The following PXDNL variants were observed in gnomAD, a reference collection of about 807,000 sequenced individuals.
The protein encoded by PXDNL is probable oxidoreductase PXDNL.
A neutral mutation model predicts 150.8 loss-of-function variants in PXDNL; 145 were observed. The ratio of observed to expected loss-of-function variants is 0.96; its 90% CI spans 0.84 to 1.10. The LOEUF (loss-of-function observed/expected upper bound fraction) is 1.10. PXDNL is among the 50% of genes least tolerant of loss of function. The pLI is 0.00. For synonymous variants in PXDNL, 757 were observed against 725.7 expected, an observed-to-expected ratio of 1.04 and a Z score of -0.69; for missense variants, 2,087 against 1,873.9, an observed-to-expected ratio of 1.11 and a Z score of -2.10.
At chr8:51,569,599 T>C (rs60163329) in intron 3 of PXDNL, among the ~76,000 whole-genome samples, 1 of 151,956 alleles carries the variant, frequency 6.6e-6, no homozygotes, top group Non-Finnish European at 1.5e-5. Flanking sequence ...ATGTGAAAAT[T>C]CTATCTAAAA....
At chr8:51,743,911 G>GGAAGGAAGGAAGGAAGGAAGGAAGGAAA (rs2036934402) in intron 1 of PXDNL, among the ~76,000 whole-genome samples, 1 of 101,642 alleles carries the variant, frequency 9.8e-6, no homozygotes. Context: ...GAGAGAGAAA[G>GGAAGGAAGGAAGGAAGGAAGGAAGGAAA]GAAGGAAGGA....
intron 1 of PXDNL, among the ~76,000 whole-genome samples, chr8:51,694,675 T>G (rs1374333020): frequency 6.6e-6 from 1 of 152,250 alleles, no homozygotes; most frequent in African/African-American, 2.4e-5. Context: ...ATTAGCAAGC[T>G]GTGTGATCTC....
chr8:51,458,555 C>T (rs1239419854), intron 8 of PXDNL, among the ~76,000 whole-genome samples: 1 of 152,130 alleles, frequency 6.6e-6, no homozygotes, highest in African/African-American at 2.4e-5. Context: ...CTTCATCACT[C>T]AATACATATT....
intron 17 of PXDNL, among the ~76,000 whole-genome samples, chr8:51,377,006 C>T (rs533648062): frequency 6.6e-6 from 1 of 151,932 alleles, no homozygotes; most frequent in Non-Finnish European, 1.5e-5. Flanking sequence ...CGTGAGCCAC[C>T]GCGCCCAGCC....
Position 51,374,747 on chromosome 8 carries a change from G to A in PXDNL, c.3558-16C>T. ...GCCGTACAACCTGGAACAGAGACAG[G>A]CAGACAGCGCACACCTGAGACTGAA... On this transcript the variant is annotated splice_polypyrimidine_tract_variant and intron_variant, in intron 17 of 22. Coordinates refer to ENST00000356297, the MANE Select transcript of PXDNL (RefSeq NM_144651.5). The A allele has an allele frequency of 6.2e-7, 1 of 1,612,816 alleles. No individual in the cohort carries two copies. The highest frequency in any genetic ancestry group is 1.1e-5 in the South Asian group (1 of 90,908).
intron 1 of PXDNL, among the ~76,000 whole-genome samples, chr8:51,731,523 C>T (rs1182789350): frequency 6.6e-6 from 1 of 152,248 alleles, no homozygotes; most frequent in African/African-American, 2.4e-5. Flanking sequence ...GTGGAACTAC[C>T]ATTTTGGGGT....
At chr8:51,578,017 GGAAGGAAGGA>G (rs1813120061) in intron 3 of PXDNL, among the ~76,000 whole-genome samples, 27 of 103,812 alleles carry the variant, frequency 2.6e-4, no homozygotes, top group African/African-American at 1.4e-3. Context: ...AAGGAAGGAA[GGAAGGAAGGA>G]AGGAAGGAAG....
chr8:51,332,102 C>T (rs1353001611), intron 21 of PXDNL, among the ~76,000 whole-genome samples: 1 of 152,160 alleles, frequency 6.6e-6, no homozygotes, highest in Non-Finnish European at 1.5e-5. Context: ...TCCACCAGAA[C>T]AGGTGCTGGC....
chr8:51,486,773 TATATATATATATATATATATA>T (rs1350200796), intron 5 of PXDNL, among the ~76,000 whole-genome samples: 27 of 9,462 alleles, frequency 2.9e-3, no homozygotes, highest in South Asian at 9.2e-3. Flanking sequence ...TATATATATA[TATATATATATATATATATATA>T]TTTTTTTTTT....
At chr8:51,737,862 C>G (rs1356641471) in intron 1 of PXDNL, among the ~76,000 whole-genome samples, 2 of 152,198 alleles carry the variant, frequency 1.3e-5, no homozygotes, top group East Asian at 1.9e-4. Flanking sequence ...AAGATTCGCT[C>G]TCACTGAATA....
chr8:51,477,682 T>C (rs1322265107), intron 6 of PXDNL, among the ~76,000 whole-genome samples: 1 of 152,224 alleles, frequency 6.6e-6, no homozygotes, highest in South Asian at 2.1e-4. Context: ...ATGACGTTCC[T>C]CTGACTTGAA....
intron 4 of PXDNL, among the ~76,000 whole-genome samples, chr8:51,530,887 T>C (rs755418578): frequency 6.6e-6 from 1 of 150,620 alleles, no homozygotes; most frequent in Non-Finnish European, 1.5e-5. Context: ...GGAAGAACCC[T>C]GAGGCCAGTA....
intron 21 of PXDNL, among the ~76,000 whole-genome samples, chr8:51,327,812 C>T (rs1805561978): frequency 6.6e-6 from 1 of 152,184 alleles, no homozygotes; most frequent in Admixed American, 6.5e-5. Context: ...ATTGGACACA[C>T]TGAAAATCAA....
At chr8:51,399,244 A>G (rs1808175498) in intron 17 of PXDNL, among the ~76,000 whole-genome samples, 1 of 152,216 alleles carries the variant, frequency 6.6e-6, no homozygotes. Flanking sequence ...TTTATTCAAG[A>G]AAAATGGAAT....
At position 51,440,866 on chromosome 8, in the gene PXDNL, C is replaced by A. The variant is rs190465424; in HGVS notation, c.1525+6138G>T. On this transcript the variant is annotated intron_variant, in intron 12 of 22. Coordinates refer to ENST00000356297, the MANE Select transcript of PXDNL (RefSeq NM_144651.5). ...TGTCCCAGCCATGAGGTGCAGAGGG[C>A]CAGCAGGATTGCACTGCCTCTCCCC... is the stretch of plus-strand genomic sequence containing the variant. 9.2e-5 allele frequency among the ~76,000 whole-genome samples: 14 copies of A among 152,216 alleles called. No homozygotes were observed. The East Asian group carries it at 1.9e-3, about 21-fold the overall frequency.
At chr8:51,609,927 T>C (rs2130710993) in intron 2 of PXDNL, among the ~76,000 whole-genome samples, 1 of 152,340 alleles carries the variant, frequency 6.6e-6, no homozygotes, top group East Asian at 1.9e-4. Flanking sequence ...TCTGTCCCAC[T>C]GTCTATGTTT....
At chr8:51,436,867 C>T (rs1445206386) in intron 12 of PXDNL, among the ~76,000 whole-genome samples, 1 of 151,938 alleles carries the variant, frequency 6.6e-6, no homozygotes, top group Non-Finnish European at 1.5e-5. Context: ...CAGAGCAGAA[C>T]TACATGAAAT....
At chr8:51,636,124 T>TA (rs1563490491) in intron 2 of PXDNL, among the ~76,000 whole-genome samples, 2 of 152,140 alleles carry the variant, frequency 1.3e-5, no homozygotes, top group African/African-American at 4.8e-5. Flanking sequence ...AAATGATACG[T>TA]AAAAAGTATT....
intron 4 of PXDNL, among the ~76,000 whole-genome samples, chr8:51,500,167 T>C (rs1811151809): frequency 6.6e-6 from 1 of 152,232 alleles, no homozygotes; most frequent in African/African-American, 2.4e-5. Flanking sequence ...CTTATTTACA[T>C]TTCAGAACAG....
Sources: allele counts gnomAD v4.1 joint callset (sites outside exome capture counted in the v4.1 genomes callset), GRCh38; gene constraint gnomAD v4.1.1; transcripts MANE v1.5; gene names NCBI Gene and HGNC (gene_info 2026-07-23, HGNC 2026-07-21).